Variants in TRPS1 observed in about 807,000 individuals in gnomAD.
TRPS1 encodes transcriptional repressor GATA binding 1, also known as zinc finger transcription factor Trps1.
Under a neutral mutation model 101.2 loss-of-function variants are expected in TRPS1, and 6 were observed. The ratio of observed to expected loss-of-function variants is 0.06; its 90% CI spans 0.03 to 0.12. The LOEUF is 0.12. Ranked by LOEUF, TRPS1 falls within the 10% of genes least tolerant of loss-of-function variation. The pLI, the probability that TRPS1 is intolerant of heterozygous loss-of-function variation, is 1.00. For synonymous variants in TRPS1, 578 were observed against 589.8 expected, an observed-to-expected ratio of 0.98 and a Z score of 0.29; for missense variants, 1,363 against 1,567.0, an observed-to-expected ratio of 0.87 and a Z score of 2.20.
chr8:115,653,880 T>A (rs542956573), intron 1 of TRPS1, among the ~76,000 whole-genome samples: 1 of 152,294 alleles, frequency 6.6e-6, no homozygotes, highest in South Asian at 2.1e-4. Flanking sequence ...CAAAGACACT[T>A]CTGGAGCTAT....
chr8:115,667,913 A>T lies in TRPS1; in HGVS notation c.-122+632T>A, dbSNP rs545510605. On this transcript the variant is annotated intron_variant, in intron 1 of 6. Coordinates refer to ENST00000395715, the MANE Select transcript of TRPS1 (RefSeq NM_014112.5). ...GTGCCTAGTCTGCGCCCCGCTTGTC[A>T]CGAGCCCCCAGAAAACTTGCAGTGG... 9 of 1,535,186 alleles carry T rather than the reference A, an allele frequency of 5.9e-6. No individual in the cohort carries two copies. In the South Asian group the frequency reaches 9.5e-5, roughly 16 times the overall value.
At chr8:115,544,042 A>G (rs1443036223) in intron 5 of TRPS1, among the ~76,000 whole-genome samples, 1 of 152,002 alleles carries the variant, frequency 6.6e-6, no homozygotes, top group African/African-American at 2.4e-5. Context: ...GACATAAAAT[A>G]AAATCCTCCT....
At chr8:115,554,631 C>T (rs1029099497) in intron 5 of TRPS1, among the ~76,000 whole-genome samples, 1 of 152,160 alleles carries the variant, frequency 6.6e-6, no homozygotes, top group African/African-American at 2.4e-5. Flanking sequence ...GTTTTCGATT[C>T]AAGATTTACA....
intron 5 of TRPS1, among the ~76,000 whole-genome samples, chr8:115,516,189 G>GA (rs1815706662): frequency 0.011 from 2 of 186 alleles, no homozygotes; most frequent in Non-Finnish European, 0.019. Flanking sequence ...TATCACCGTA[G>GA]GTTTTAAAAG....
chr8:115,640,734 T>C (rs73367230), intron 1 of TRPS1, among the ~76,000 whole-genome samples: 5,465 of 152,288 alleles, frequency 0.036, 343 homozygotes, highest in African/African-American at 0.12. Flanking sequence ...TATCCGTAAG[T>C]GTTGAAGGGC....
At chr8:115,459,644 C>T (rs751664598) in intron 5 of TRPS1, among the ~76,000 whole-genome samples, 1 of 152,136 alleles carries the variant, frequency 6.6e-6, no homozygotes, top group African/African-American at 2.4e-5. Flanking sequence ...AGTGGAACTG[C>T]CTGCCTGAAT....
chr8:115,551,880 A>C (rs990184415), intron 5 of TRPS1, among the ~76,000 whole-genome samples: 6 of 152,194 alleles, frequency 3.9e-5, no homozygotes, highest in African/African-American at 1.4e-4. Context: ...TTGCTAACAT[A>C]GCAGAAAAGC....
intron 5 of TRPS1, among the ~76,000 whole-genome samples, chr8:115,465,258 C>A (rs1204335052): frequency 6.6e-6 from 1 of 151,980 alleles, no homozygotes. Context: ...AAGCATTACT[C>A]CGAGTTTTAG....
intron 1 of TRPS1, among the ~76,000 whole-genome samples, chr8:115,667,077 C>G (rs75733532): frequency 0.027 from 4,115 of 152,250 alleles, 210 homozygotes; most frequent in African/African-American, 0.094. Flanking sequence ...ATGGCTTACT[C>G]AAAAAACTTT....
At chr8:115,489,709 C>T (rs961360748) in intron 5 of TRPS1, among the ~76,000 whole-genome samples, 1 of 152,046 alleles carries the variant, frequency 6.6e-6, no homozygotes, top group Non-Finnish European at 1.5e-5. Context: ...TAGAAATATA[C>T]TTTATTGGTC....
chr8:115,572,961 C>G (rs1203640007), intron 5 of TRPS1, among the ~76,000 whole-genome samples: 2 of 151,932 alleles, frequency 1.3e-5, no homozygotes, highest in Non-Finnish European at 2.9e-5. Flanking sequence ...TGGAGAAACC[C>G]CGTCTCTACT....
At chr8:115,612,229 C>A (rs1818186391) in intron 3 of TRPS1, among the ~76,000 whole-genome samples, 2 of 147,746 alleles carry the variant, frequency 1.4e-5, no homozygotes, top group African/African-American at 2.5e-5. Context: ...CAAGAAAGAG[C>A]ACAAAAAAGA....
At chr8:115,641,181 T>C (rs1818886575) in intron 1 of TRPS1, among the ~76,000 whole-genome samples, 1 of 152,248 alleles carries the variant, frequency 6.6e-6, no homozygotes, top group African/African-American at 2.4e-5. Context: ...TTCTTTGTTA[T>C]GAGACTAGAA....
intron 4 of TRPS1, among the ~76,000 whole-genome samples, chr8:115,595,363 A>T (rs570194554): frequency 5.9e-5 from 9 of 152,086 alleles, no homozygotes; most frequent in African/African-American, 2.2e-4. Context: ...TTACAGATGG[A>T]TTATTAGGTC....
chr8:115,658,391 G>A lies in TRPS1; in HGVS notation c.-122+10154C>T, dbSNP rs189358738. ...AGGCAAAGGGGTCAAAGTTTTCTAT[G>A]TCAGAGATATATAAATAAAGCCATA... On this transcript the variant is annotated intron_variant, in intron 1 of 6. Transcript: ENST00000395715. 2.3e-3 allele frequency among the ~76,000 whole-genome samples: 352 copies of A among 152,174 alleles called. 1 individual carries two copies. The highest frequency in any genetic ancestry group is 8.2e-3 in the African/African-American group (339 of 41,524).
At position 115,409,282 on chromosome 8, in the gene TRPS1, C is replaced by G. The variant is rs796323588; in HGVS notation, c.*4741G>C. 1 of 67,658 alleles carries G rather than the reference C, an allele frequency of 1.5e-5. No homozygotes were observed. The highest frequency in any genetic ancestry group is 2.9e-5 in the Non-Finnish European group (1 of 34,010). The allele number at this position is 67,658 out of a possible 1,614,324, so 4.2% of individuals were successfully genotyped here. A position where few individuals can be genotyped will look rare whatever the true frequency, so the allele number is the denominator to read the frequency against. On this transcript the variant is annotated 3_prime_UTR_variant, in exon 7 of 7. Coordinates refer to ENST00000395715, the MANE Select transcript of TRPS1 (RefSeq NM_014112.5). ...TTGGGAAAAAAAAAAAAAAAAAAAA[C>G]AGGGGAAAACCAGAATTGAGTTTTG... is the stretch of plus-strand genomic sequence containing the variant.
intron 1 of TRPS1, among the ~76,000 whole-genome samples, chr8:115,665,165 T>C (rs1365209281): frequency 6.6e-6 from 1 of 152,198 alleles, no homozygotes; most frequent in African/African-American, 2.4e-5. Flanking sequence ...TCAGCATTTA[T>C]TCCAATTTCA....
At chr8:115,431,375 T>C (rs947653317) in intron 5 of TRPS1, among the ~76,000 whole-genome samples, 4 of 152,014 alleles carry the variant, frequency 2.6e-5, no homozygotes, top group Non-Finnish European at 4.4e-5. Context: ...CATGAGAAAA[T>C]GTATTAATGG....
chr8:115,487,447 T>C lies in TRPS1; in HGVS notation c.2701-68995A>G, dbSNP rs1814911345. On this transcript the variant is annotated intron_variant, in intron 5 of 6. Coordinates refer to ENST00000395715, the MANE Select transcript of TRPS1 (RefSeq NM_014112.5). ...AAGTCTTATTATTCAAGAAATACATTTTATAAGGCTGAAGCGGCCATAGAT... is the reference window on the plus strand; with the variant it reads ...AAGTCTTATTATTCAAGAAATACATCTTATAAGGCTGAAGCGGCCATAGAT... Among the ~76,000 whole-genome samples, 3 of 152,166 alleles carry C rather than the reference T, an allele frequency of 2.0e-5. No homozygotes were observed. In the South Asian group the frequency reaches 6.2e-4, roughly 32 times the overall value.
Sources: allele counts gnomAD v4.1 joint callset (sites outside exome capture counted in the v4.1 genomes callset), GRCh38; gene constraint gnomAD v4.1.1; transcripts MANE v1.5; gene names NCBI Gene and HGNC (gene_info 2026-07-23, HGNC 2026-07-21).